RAB11A: variants seen among roughly 807,000 people sequenced by gnomAD.
The protein encoded by RAB11A is RAB11A, member RAS oncogene family.
A neutral mutation model predicts 28.0 loss-of-function variants in RAB11A; 9 were observed. The ratio of observed to expected loss-of-function variants is 0.32; its 90% CI spans 0.19 to 0.56. The LOEUF is 0.56. Among genes scored for constraint, RAB11A ranks in the 20% least tolerant of loss-of-function variants. The probability of loss-of-function intolerance (pLI) is 0.91; values close to 1 mark genes in which losing one functional copy is unlikely to be tolerated. For synonymous variants in RAB11A, 85 were observed against 88.2 expected, an observed-to-expected ratio of 0.96 and a Z score of 0.20; for missense variants, 108 against 269.6, an observed-to-expected ratio of 0.40 and a Z score of 4.20.
intron 1 of RAB11A, among the ~76,000 whole-genome samples, chr15:65,873,553 C>CTATATA (rs376022036): frequency 1.3e-5 from 2 of 150,568 alleles, no homozygotes; most frequent in East Asian, 1.9e-4. Flanking sequence ...ATATCTATAT[C>CTATATA]TATATATATA....
At position 65,891,142 on chromosome 15, in the gene RAB11A, C is replaced by T. The variant is rs1302933383; in HGVS notation, c.*3302C>T. On this transcript the variant is annotated 3_prime_UTR_variant, in exon 5 of 5. Transcript: ENST00000261890. ...CCTTTCTGGGATTTGACAAGTCTTT[C>T]CCACTCACCTATACAATATGCCAAA... 6.6e-6 allele frequency: 1 copy of T among 152,146 alleles called. No homozygotes were observed. Among genetic ancestry groups the T allele is most frequent in the Non-Finnish European group, 1.5e-5 (1 of 68,016 alleles). The allele number at this position is 152,146 out of a possible 1,614,324, so 9.4% of individuals were successfully genotyped here.
intron 4 of RAB11A, among the ~76,000 whole-genome samples, chr15:65,885,764 T>C (rs911972176): frequency 1.3e-5 from 2 of 152,178 alleles, no homozygotes; most frequent in Non-Finnish European, 2.9e-5. Flanking sequence ...GCATTTTAAT[T>C]GGAGAAAAGG....
intron 3 of RAB11A, among the ~76,000 whole-genome samples, chr15:65,878,498 A>G (rs912768024): frequency 2.0e-5 from 3 of 152,162 alleles, no homozygotes; most frequent in African/African-American, 4.8e-5. Flanking sequence ...CTTGGCTAAC[A>G]TGGTGAAACC....
chr15:65,887,990 A>G lies in RAB11A; in HGVS notation c.*150A>G, dbSNP rs2078265097. ...TCCTAAGTCTTTTGATTTTAGCTTT[A>G]TAAAATCATCCACTTGTCCCGAATG... On this transcript the variant is annotated 3_prime_UTR_variant, in exon 5 of 5. Transcript: ENST00000261890. The G allele has an allele frequency of 1.2e-6, 1 of 845,814 alleles. No homozygotes were observed. Among genetic ancestry groups the G allele is most frequent in the African/African-American group, 1.8e-5 (1 of 56,114 alleles). The allele number at this position is 845,814 out of a possible 1,614,324, so 52.4% of individuals were successfully genotyped here.
chr15:65,869,790 C>T (rs2078146808), intron 1 of RAB11A, among the ~76,000 whole-genome samples, 165 bp downstream of exon 1: 1 of 152,192 alleles, frequency 6.6e-6, no homozygotes, highest in Non-Finnish European at 1.5e-5. Context: ...CTCCCCCGCT[C>T]AGACAGGGGT....
Position 65,877,237 on chromosome 15 carries a change from T to G in RAB11A, c.41-95T>G, listed in dbSNP as rs1447803409. 1 of 1,066,198 alleles carries G rather than the reference T, an allele frequency of 9.4e-7. No homozygotes were observed. The highest frequency in any genetic ancestry group is 1.6e-5 in the African/African-American group (1 of 62,282). The allele number at this position is 1,066,198 out of a possible 1,614,324, so 66.0% of individuals were successfully genotyped here. ...ATATACCTTATTTTTCTTGCTTTAT[T>G]TACTCTGAAGCCAAACTTCATTCTG... is the stretch of plus-strand genomic sequence containing the variant. On this transcript the variant is annotated intron_variant, in intron 1 of 4. Coordinates refer to ENST00000261890, the MANE Select transcript of RAB11A (RefSeq NM_004663.5). The surrounding 1 kb of genome is among the most constrained non-coding windows in gnomAD (Gnocchi z 4.1).
chr15:65,872,674 T>C (rs989205385), intron 1 of RAB11A, among the ~76,000 whole-genome samples: 5 of 152,076 alleles, frequency 3.3e-5, no homozygotes, highest in African/African-American at 1.2e-4. Context: ...CCTCAGGTGA[T>C]CCGCCCGCCT....
Position 65,877,637 on chromosome 15 carries a change from A to G in RAB11A, c.236+110A>G. On this transcript the variant is annotated intron_variant, in intron 2 of 4. Coordinates refer to ENST00000261890, the MANE Select transcript of RAB11A (RefSeq NM_004663.5). This position sits in a 1 kb window ranked among gnomAD's most constrained non-coding sequence, Gnocchi z 4.1. ...GTTTTTTTCTTTTAAGAATTCTAGT[A>G]TTAGGAATCCTTAGAAATTTATTTA... 3.0e-6 allele frequency: 4 copies of G among 1,341,766 alleles called. No individual in the cohort carries two copies. The highest frequency in any genetic ancestry group is 1.5e-5 in the South Asian group (1 of 66,894). The allele number at this position is 1,341,766 out of a possible 1,614,324, so 83.1% of individuals were successfully genotyped here.
At chr15:65,885,617 T>C (rs1025150460) in intron 4 of RAB11A, among the ~76,000 whole-genome samples, 1 of 152,164 alleles carries the variant, frequency 6.6e-6, no homozygotes, top group Non-Finnish European at 1.5e-5. Flanking sequence ...TTTGGACCTT[T>C]CACGAGGTCC....
At chr15:65,885,254 C>T (rs2078249307) in intron 4 of RAB11A, among the ~76,000 whole-genome samples, 1 of 151,156 alleles carries the variant, frequency 6.6e-6, no homozygotes, top group South Asian at 2.1e-4. Context: ...TCCCAAGTAG[C>T]TGAGACTACA....
chr15:65,887,069 C>G (rs558143163), intron 4 of RAB11A, among the ~76,000 whole-genome samples: 258 of 151,784 alleles, frequency 1.7e-3, no homozygotes, highest in African/African-American at 5.9e-3. Context: ...TGTGTGTAGG[C>G]AATTTTTGTT....
intron 4 of RAB11A, among the ~76,000 whole-genome samples, chr15:65,885,982 G>T (rs953066118): frequency 6.6e-6 from 1 of 152,346 alleles, no homozygotes. Flanking sequence ...ATTATCTCGT[G>T]AAAGAGTCTG....
rs764616016 is a variant in RAB11A at position 65,877,977 on chromosome 15, A to G, written c.430+22A>G. On this transcript the variant is annotated intron_variant, in intron 3 of 4. Coordinates refer to ENST00000261890, the MANE Select transcript of RAB11A (RefSeq NM_004663.5). This position sits in a 1 kb window ranked among gnomAD's most constrained non-coding sequence, Gnocchi z 4.1. Reference sequence around the variant, plus strand: ...GCAGGTTAGTGATAGGAATTCCATGATATTTCTTACCATTGTGTCTTGTGG... The same window carrying G: ...GCAGGTTAGTGATAGGAATTCCATGGTATTTCTTACCATTGTGTCTTGTGG... The G allele has an allele frequency of 5.7e-6, 9 of 1,589,758 alleles. No homozygotes were observed. Among genetic ancestry groups the G allele is most frequent in the Non-Finnish European group, 7.8e-6 (9 of 1,158,092 alleles).
chr15:65,879,447 A>T (rs528764373), intron 3 of RAB11A, among the ~76,000 whole-genome samples: 25 of 152,012 alleles, frequency 1.6e-4, no homozygotes, highest in African/African-American at 6.0e-4. Context: ...GGAGTTCAAG[A>T]CCAGGCTGGG....
At chr15:65,875,848 T>C (rs976996318) in intron 1 of RAB11A, among the ~76,000 whole-genome samples, 1 of 152,214 alleles carries the variant, frequency 6.6e-6, no homozygotes, top group African/African-American at 2.4e-5. Context: ...TCCCAGTCTC[T>C]TTAGTAAGGA....
rs548805289 is a variant in RAB11A, at chr15:65,891,107, G to C, written c.*3267G>C. On this transcript the variant is annotated 3_prime_UTR_variant, in exon 5 of 5. Transcript: ENST00000261890. ...TTTTTCTTCTGGTTGGGTGGTGCTG[G>C]TGCCACGCCCCTTTCTGGGATTTGA... 2.0e-5 allele frequency: 3 copies of C among 152,284 alleles called. No homozygotes were observed. In the South Asian group the frequency reaches 6.2e-4, roughly 32 times the overall value. The allele number at this position is 152,284 out of a possible 1,614,324, so 9.4% of individuals were successfully genotyped here. A position where few individuals can be genotyped will look rare whatever the true frequency, so the allele number is the denominator to read the frequency against.
chr15:65,878,776 C>T (rs924855284), intron 3 of RAB11A, among the ~76,000 whole-genome samples: 3 of 152,168 alleles, frequency 2.0e-5, no homozygotes, highest in Admixed American at 2.0e-4. Context: ...TTTTAAATTT[C>T]CCATGCAAGA....
At chr15:65,871,044 C>A (rs1164913925) in intron 1 of RAB11A, among the ~76,000 whole-genome samples, 1 of 152,068 alleles carries the variant, frequency 6.6e-6, no homozygotes, top group African/African-American at 2.4e-5. Context: ...GAGGAAGAAG[C>A]CATTGCTATT....
chr15:65,887,835 A>G lies in RAB11A; in HGVS notation c.646A>G (p.Ile216Val). 1.2e-6 allele frequency: 2 copies of G among 1,606,108 alleles called. No homozygotes were observed. Among genetic ancestry groups the G allele is most frequent in the Non-Finnish European group, 1.7e-6 (2 of 1,177,272 alleles). Residue 216 changes from isoleucine to valine, a missense_variant, in exon 5 of 5, where the codon ATC becomes GTC. Coordinates refer to ENST00000261890, the MANE Select transcript of RAB11A (RefSeq NM_004663.5). Reference sequence around the variant, plus strand: ...GCCAAAGGTGCAGTGCTGTCAGAACATCTAAGGCATTTCTCTTCTCCCCTA... The same window carrying G: ...GCCAAAGGTGCAGTGCTGTCAGAACGTCTAAGGCATTTCTCTTCTCCCCTA... ...NKPKVQCCQNI is the reference protein window; with the variant it reads ...NKPKVQCCQNV
Sources: gnomAD v4.1 joint callset for allele counts (sites outside exome capture counted in the v4.1 genomes callset) on GRCh38, gnomAD v4.1.1 for gene constraint, Gnocchi (gnomAD v3.1) non-coding constraint, MANE v1.5 for transcripts, NCBI Gene and HGNC (gene_info 2026-07-23, HGNC 2026-07-21) for gene names.